The following APC2 variants were observed in gnomAD, a reference collection of about 807,000 sequenced individuals.
The protein encoded by APC2 is APC regulator of Wnt signaling pathway 2.
Under a neutral mutation model 72.5 loss-of-function variants are expected in APC2, and 41 were observed. That is an observed-to-expected ratio of 0.57 (90% CI 0.44 to 0.73). The LOEUF is 0.73. APC2 is among the 30% of genes least tolerant of loss of function. The probability of loss-of-function intolerance (pLI) is 0.00; values close to 1 mark genes in which losing one functional copy is unlikely to be tolerated. For synonymous variants in APC2, 1,898 were observed against 1,612.0 expected (o/e 1.18, Z -4.25); for missense variants, 3,729 against 3,403.4 (o/e 1.10, Z -2.38).
At chr19:1,456,775 G>A in intron 8 of APC2, 78 bp from the exon 9 acceptor site, 3 of 1,510,556 alleles carry the variant, frequency 2.0e-6, no homozygotes, top group Non-Finnish European at 2.6e-6. Flanking sequence ...CGGGGCAGGG[G>A]TCACAGGGCT....
intron 10 of APC2, 109 bp from the exon 11 acceptor site, chr19:1,460,072 G>C (rs2083898643): frequency 6.9e-7 from 1 of 1,447,684 alleles, no homozygotes; most frequent in Non-Finnish European, 9.4e-7. Context: ...GGGAACTTGA[G>C]GGCAGGTCTG....
At chr19:1,458,311 G>A in intron 10 of APC2, 2 of 552,086 alleles carry the variant, frequency 3.6e-6, no homozygotes, top group East Asian at 3.1e-5. Context: ...TCAGCCCTAA[G>A]TTCCCTGGGG....
At chr19:1,461,303 C>CTCCTCATGTCACTG in intron 13 of APC2, 150 bp downstream of exon 13, 1 of 678,556 alleles carries the variant, frequency 1.5e-6, no homozygotes, top group East Asian at 2.7e-5. Context: ...CTGGGGCTCA[C>CTCCTCATGTCACTG]TCCTCATGTC....
rs759232120 is a variant in APC2 at position 1,456,192 on chromosome 19, C to T, written c.717+39C>T. The stretch of plus-strand genomic sequence containing the variant: ...CAGAGCCAGGGACCAGGGGTGGTGT[C>T]GGCCCAGGCAGAACGGGGCTCCTCG... On this transcript the variant is annotated intron_variant, in intron 7 of 14. Coordinates refer to ENST00000590469, the MANE Select transcript of APC2 (RefSeq NM_005883.3). The T allele has an allele frequency of 2.6e-6, 4 of 1,559,030 alleles. No homozygotes were observed. The African/African-American group carries it at 4.1e-5, about 16-fold the overall frequency.
chr19:1,457,983 CGCA>C lies in APC2; in HGVS notation c.1228_1230del (p.Gln410del). Reference sequence around the variant, plus strand: ...CCCACAGCCCCGATCCCCATCGAGCCGCAGATCTGCCAGGCCACCTGTGCTGTT... The same window carrying C: ...CCCACAGCCCCGATCCCCATCGAGCCGATCTGCCAGGCCACCTGTGCTGTT... On this transcript the variant is annotated inframe_deletion, in exon 10 of 15. Transcript: ENST00000590469. The C allele has an allele frequency of 2.6e-6, 4 of 1,561,194 alleles. No homozygotes were observed. The highest frequency in any genetic ancestry group is 3.5e-6 in the Non-Finnish European group (4 of 1,151,810).
At position 1,458,126 on chromosome 19, in the gene APC2, G is replaced by A. The variant is rs73921709; in HGVS notation, c.1303+66G>A. On this transcript the variant is annotated intron_variant, in intron 10 of 14. Coordinates refer to ENST00000590469, the MANE Select transcript of APC2 (RefSeq NM_005883.3). ...CCGAACAGGTGGTGGCTCCTCGGCCGCTAAAGGGACACAGGCTGGGTCATC... is the reference window on the plus strand; with the variant it reads ...CCGAACAGGTGGTGGCTCCTCGGCCACTAAAGGGACACAGGCTGGGTCATC... 22,757 of 1,414,532 alleles carry A rather than the reference G, an allele frequency of 0.016. 2,515 individuals are homozygous for A. The African/African-American group carries it at 0.26, about 16-fold the overall frequency. The allele number at this position is 1,414,532 out of a possible 1,614,324, so 87.6% of individuals were successfully genotyped here. A position where few individuals can be genotyped will look rare whatever the true frequency, so the allele number is the denominator to read the frequency against.
At position 1,466,311 on chromosome 19, in the gene APC2, C is replaced by G; in HGVS notation, c.3010C>G (p.Leu1004Val). 1.3e-6 allele frequency: 2 copies of G among 1,541,400 alleles called. No individual in the cohort carries two copies. Among genetic ancestry groups the G allele is most frequent in the Non-Finnish European group, 1.7e-6 (2 of 1,147,546 alleles). The change falls in exon 15 of 15, where the codon CTG becomes GTG. Residue 1004 changes from leucine (L) to valine (V), a missense_variant. Transcript: ENST00000590469. Reference protein sequence around the residue: ...KLSPTYQHVPLLEGASRAGAE... With the variant: ...KLSPTYQHVPVLEGASRAGAE... ...GTCGCCTACCTATCAGCACGTGCCA[C>G]TGCTTGAGGGTGCCTCAAGGGCGGG...
chr19:1,457,236 C>A lies in APC2; in HGVS notation c.1200C>A (p.Ala400=), dbSNP rs1314800831. The A allele has an allele frequency of 6.5e-7, 1 of 1,528,518 alleles. No individual in the cohort carries two copies. The highest frequency in any genetic ancestry group is 8.8e-7 in the Non-Finnish European group (1 of 1,141,742). 94.7% of individuals were successfully genotyped at this position (1,528,518 alleles called of 1,614,324 possible). Residue 400 remains alanine (A), a synonymous_variant, in exon 9 of 15, where the codon GCC becomes GCA. Coordinates refer to ENST00000590469, the MANE Select transcript of APC2 (RefSeq NM_005883.3). The part of the protein sequence containing the change: ...ARDGGPEGGG[A]GSAPIPIEPQ... ...ACGGCGGGCCCGAGGGAGGTGGCGC[C>A]GGCAGCGGTGAGTGCCTGGCCTGGT...
Position 1,462,167 on chromosome 19 carries a change from G to T in APC2, c.1843G>T (p.Glu615Ter). 1 of 1,591,834 alleles carries T rather than the reference G, an allele frequency of 6.3e-7. No individual in the cohort carries two copies. Residue 615 changes from glutamate to a stop codon, truncating the protein, a stop_gained, in exon 14 of 15, where the codon GAG becomes TAG. Coordinates refer to ENST00000590469, the MANE Select transcript of APC2 (RefSeq NM_005883.3). LOFTEE classifies it low-confidence loss of function (END_TRUNC). ...TGTGTCCAGCCTCGTCGCCACCCGT[G>T]AGGACTACAGGTCGGCCCCCACCCC... is the stretch of plus-strand genomic sequence containing the variant. ...RNVSSLVATREDYRQVLRDHN... is the reference protein window; with the variant it reads ...RNVSSLVATR
intron 4 of APC2, among the ~76,000 whole-genome samples, chr19:1,454,479 G>C (rs1370986432): frequency 1.3e-5 from 2 of 151,746 alleles, no homozygotes; most frequent in Non-Finnish European, 2.9e-5. Flanking sequence ...CCTGGGTTCA[G>C]GTGATTCTCC....
chr19:1,460,777 C>T lies in APC2; in HGVS notation c.1444-3C>T. 1 of 1,612,674 alleles carries T rather than the reference C, an allele frequency of 6.2e-7. No individual in the cohort carries two copies. The highest frequency in any genetic ancestry group is 8.5e-7 in the Non-Finnish European group (1 of 1,179,630). On this transcript the variant is annotated splice_region_variant and splice_polypyrimidine_tract_variant and intron_variant, in intron 11 of 14. Transcript: ENST00000590469. ...GTGACCCCGGCTGCATAACCCCCAA[C>T]AGGCCACCCTGTGTGCGCGCCGCGG...
chr19:1,469,304 G>A lies in APC2; in HGVS notation c.6003G>A (p.Ser2001=), dbSNP rs1454655369. 9.9e-6 allele frequency: 14 copies of A among 1,415,940 alleles called. No homozygotes were observed. Among genetic ancestry groups the A allele is most frequent in the Non-Finnish European group, 8.3e-6 (9 of 1,081,840 alleles). The allele number at this position is 1,415,940 out of a possible 1,614,324, so 87.7% of individuals were successfully genotyped here. ...FRRQLTFIKE[S]PGLRRRRSEL... ...GACAGCTAACCTTCATCAAGGAGTC[G>A]CCGGGCTTGCGGCGCCGCCGCTCCG... The change falls in exon 15 of 15, where the codon TCG becomes TCA. Residue 2001 remains serine, a synonymous_variant. Transcript: ENST00000590469.
rs753778043 is a variant in APC2 at position 1,465,245 on chromosome 19, G to A, written c.1944G>A (p.Thr648=). Residue 648 remains threonine (T), a synonymous_variant, in exon 15 of 15, where the codon ACG becomes ACA. Coordinates refer to ENST00000590469, the MANE Select transcript of APC2 (RefSeq NM_005883.3). ...SLTIVSNACG[T]LWNLSARSAR... The stretch of plus-strand genomic sequence containing the variant: ...CCATCGTGAGCAACGCGTGCGGCAC[G>A]CTCTGGAACCTGTCGGCCCGCAGCG... The A allele has an allele frequency of 5.6e-6, 9 of 1,609,906 alleles. No individual in the cohort carries two copies. The highest frequency in any genetic ancestry group is 1.1e-5 in the South Asian group (1 of 90,958).
chr19:1,464,419 C>T (rs1396163935), intron 14 of APC2, among the ~76,000 whole-genome samples: 1 of 149,012 alleles, frequency 6.7e-6, no homozygotes, highest in Non-Finnish European at 1.5e-5. Flanking sequence ...ACCTGGTCAT[C>T]GTGGCTCACG....
Position 1,469,217 on chromosome 19 carries a change from G to A in APC2, c.5916G>A (p.Leu1972=). ...GGGCGCGCGGGGGCCGCCTGGGCCT[G>A]GTGCGTGTGGCCTCAGCCCTCTCCA... ...GPGARGGRLG[L]VRVASALSSG... Residue 1972 remains leucine, a synonymous_variant, in exon 15 of 15, where the codon CTG becomes CTA. Transcript: ENST00000590469. 7.1e-7 allele frequency: 1 copy of A among 1,402,982 alleles called. No homozygotes were observed. Among genetic ancestry groups the A allele is most frequent in the Non-Finnish European group, 9.3e-7 (1 of 1,074,624 alleles). 86.9% of individuals were successfully genotyped at this position (1,402,982 alleles called of 1,614,324 possible).
chr19:1,460,071 A>T, intron 10 of APC2, 110 bp from the exon 11 acceptor site: 1 of 1,439,106 alleles, frequency 6.9e-7, no homozygotes, highest in Non-Finnish European at 9.5e-7. Context: ...GGGGAACTTG[A>T]GGGCAGGTCT....
intron 1 of APC2, chr19:1,451,918 A>G (rs2083747537): frequency 6.6e-6 from 1 of 152,654 alleles, no homozygotes; most frequent in Non-Finnish European, 1.5e-5. Context: ...CAGAGAACAA[A>G]TGACGGGTGA....
chr19:1,468,143 C>T lies in APC2; in HGVS notation c.4842C>T (p.Gly1614=), dbSNP rs752958047. Residue 1614 remains glycine (G), a synonymous_variant, in exon 15 of 15, where the codon GGC becomes GGT. Coordinates refer to ENST00000590469, the MANE Select transcript of APC2 (RefSeq NM_005883.3). ...TCACCAAGGACCCGGGCCCAGGAGG[C>T]GGACGCGACAGCTCGCCCAGCCCGC... ...PAVTKDPGPG[G]GRDSSPSPRA... 6 of 1,486,380 alleles carry T rather than the reference C, an allele frequency of 4.0e-6. No homozygotes were observed. Among genetic ancestry groups the T allele is most frequent in the African/African-American group, 1.5e-5 (1 of 68,266 alleles). 92.1% of individuals were successfully genotyped at this position (1,486,380 alleles called of 1,614,324 possible).
Position 1,467,561 on chromosome 19 carries a change from G to C in APC2, c.4260G>C (p.Gly1420=), listed in dbSNP as rs148212035. The C allele has an allele frequency of 4.4e-3, 6,617 of 1,510,850 alleles. 262 individuals are homozygous for C. The African/African-American group carries it at 0.081, about 19-fold the overall frequency. 93.6% of individuals were successfully genotyped at this position (1,510,850 alleles called of 1,614,324 possible). Residue 1420 remains glycine (G), a synonymous_variant, in exon 15 of 15, where the codon GGG becomes GGC. Transcript: ENST00000590469. ...TLQGPPRDQP[G]GPAGRQRPTG... is the part of the protein sequence containing the mutation. ...AGGGACCCCCCAGGGACCAGCCCGG[G>C]GGACCAGCGGGCAGGCAAAGACCCA...
Sources: gnomAD v4.1 joint callset for allele counts (sites outside exome capture counted in the v4.1 genomes callset) on GRCh38, gnomAD v4.1.1 for gene constraint, MANE v1.5 for transcripts, NCBI Gene and HGNC (gene_info 2026-07-23, HGNC 2026-07-21) for gene names.